Variants in PTPRD observed in about 807,000 individuals in gnomAD.
PTPRD encodes protein tyrosine phosphatase receptor type D, also known as receptor-type tyrosine-protein phosphatase delta.
PTPRD carries 34 observed loss-of-function variants against 214.5 expected under a neutral mutation model. The observed-to-expected ratio is 0.16, with a 90% CI of 0.12 to 0.21. The LOEUF (loss-of-function observed/expected upper bound fraction) is 0.21, where lower values mean the gene tolerates loss of function less well. PTPRD is among the 10% of genes least tolerant of loss of function. PTPRD has a pLI of 1.00. For synonymous variants in PTPRD, 1,128 were observed against 845.7 expected (o/e 1.33, Z -5.79); for missense variants, 2,545 against 2,398.7 (o/e 1.06, Z -1.27).
intron 3 of PTPRD, among the ~76,000 whole-genome samples, chr9:10,301,784 T>A (rs1358204737): frequency 2.0e-5 from 3 of 152,096 alleles, no homozygotes; most frequent in African/African-American, 7.2e-5. Context: ...AAAGACCAAA[T>A]CTACATTTGA....
intron 10 of PTPRD, among the ~76,000 whole-genome samples, chr9:9,087,764 G>A (rs1299867145): frequency 6.6e-6 from 1 of 151,402 alleles, no homozygotes; most frequent in Admixed American, 6.6e-5. Flanking sequence ...ATTATTTTCT[G>A]GCTTTAAAAT....
intron 44 of PTPRD, 32 bp from the exon 45 acceptor site, chr9:8,319,998 T>TGAGA (rs1466541087): frequency 6.2e-7 from 1 of 1,607,130 alleles, no homozygotes; most frequent in African/African-American, 1.3e-5. Context: ...TGTTACTGGG[T>TGAGA]GAGATGTTCA....
intron 9 of PTPRD, among the ~76,000 whole-genome samples, chr9:9,323,941 T>C (rs1968188688): frequency 6.6e-6 from 1 of 152,126 alleles, no homozygotes; most frequent in Non-Finnish European, 1.5e-5. Context: ...CATGGAGTGT[T>C]TGGTTTTCTG....
At chr9:9,384,475 G>A (rs2063291736) in intron 9 of PTPRD, among the ~76,000 whole-genome samples, 1 of 146,972 alleles carries the variant, frequency 6.8e-6, no homozygotes, top group East Asian at 2.0e-4. Flanking sequence ...GTATGTTGAG[G>A]TCGAGTTTTT....
intron 9 of PTPRD, among the ~76,000 whole-genome samples, chr9:9,385,277 A>G (rs1228884077): frequency 6.6e-6 from 1 of 152,262 alleles, no homozygotes; most frequent in Non-Finnish European, 1.5e-5. Flanking sequence ...TTAGTCAAAC[A>G]TTTATTTGCC....
chr9:8,604,588 A>G (rs2095088609), intron 14 of PTPRD, among the ~76,000 whole-genome samples: 2 of 152,212 alleles, frequency 1.3e-5, no homozygotes, highest in African/African-American at 4.8e-5. Flanking sequence ...TGGACAGTCA[A>G]GGAACAGATG....
chr9:8,801,990 A>G (rs1356239405), intron 11 of PTPRD, among the ~76,000 whole-genome samples: 1 of 152,238 alleles, frequency 6.6e-6, no homozygotes, highest in African/African-American at 2.4e-5. Flanking sequence ...TCAATGAGGT[A>G]AGGGTAAAGA....
chr9:8,705,720 C>A (rs551492604), intron 12 of PTPRD, among the ~76,000 whole-genome samples: 1 of 152,090 alleles, frequency 6.6e-6, no homozygotes, highest in African/African-American at 2.4e-5. Flanking sequence ...ACATACATGT[C>A]TTGGTAGAAA....
At chr9:10,564,466 C>T (rs1201130038) in intron 2 of PTPRD, among the ~76,000 whole-genome samples, 1 of 151,294 alleles carries the variant, frequency 6.6e-6, no homozygotes, top group East Asian at 1.9e-4. Flanking sequence ...AAGAAATTTT[C>T]TGCTTCTGTT....
chr9:9,907,747 T>A (rs545275409), intron 5 of PTPRD, among the ~76,000 whole-genome samples: 1 of 152,078 alleles, frequency 6.6e-6, no homozygotes, highest in South Asian at 2.1e-4. Context: ...AGCCACCATT[T>A]ACACAATTAA....
chr9:9,862,960 T>C (rs575009871), intron 5 of PTPRD, among the ~76,000 whole-genome samples: 2,653 of 152,272 alleles, frequency 0.017, 83 homozygotes, highest in African/African-American at 0.061. Flanking sequence ...TTGTAAACTT[T>C]TTCAACCATT....
chr9:8,954,334 G>A (rs993346918), intron 11 of PTPRD, among the ~76,000 whole-genome samples: 10 of 151,860 alleles, frequency 6.6e-5, no homozygotes, highest in Admixed American at 2.6e-4. Context: ...AAGACGCTGG[G>A]GACTACTACA....
At chr9:8,766,340 T>C (rs762032783) in intron 11 of PTPRD, among the ~76,000 whole-genome samples, 3 of 151,956 alleles carry the variant, frequency 2.0e-5, no homozygotes, top group African/African-American at 2.4e-5. Flanking sequence ...ATCTAAAGTG[T>C]CCCAGTGTCA....
At chr9:10,179,551 A>G (rs963110728) in intron 3 of PTPRD, among the ~76,000 whole-genome samples, 4 of 152,068 alleles carry the variant, frequency 2.6e-5, no homozygotes, top group African/African-American at 7.2e-5. Context: ...ATTTTGAGGA[A>G]AAGGGGTCAG....
chr9:8,485,600 C>G (rs2096984099), intron 28 of PTPRD, 162 bp downstream of exon 28: 1 of 699,876 alleles, frequency 1.4e-6, no homozygotes, highest in African/African-American at 1.8e-5. Context: ...TAACTGAAAT[C>G]TAAGGCATCC....
intron 26 of PTPRD, 134 bp from the exon 27 acceptor site, chr9:8,493,113 T>G: frequency 2.9e-6 from 2 of 688,512 alleles, no homozygotes; most frequent in Non-Finnish European, 5.0e-6. Flanking sequence ...GGAAATTTCA[T>G]GCCTGAGCTC....
chr9:10,033,230 A>G (rs2097115444), intron 4 of PTPRD, among the ~76,000 whole-genome samples: 1 of 151,836 alleles, frequency 6.6e-6, no homozygotes, highest in Non-Finnish European at 1.5e-5. Context: ...ATACCAAGAA[A>G]TACTAATGCT....
chr9:9,873,659 T>C (rs368220015), intron 5 of PTPRD, among the ~76,000 whole-genome samples: 1 of 152,184 alleles, frequency 6.6e-6, no homozygotes, highest in Non-Finnish European at 1.5e-5. Flanking sequence ...CAAATTAGAA[T>C]GTAGTTTGCT....
At chr9:9,900,530 G>C (rs566775543) in intron 5 of PTPRD, among the ~76,000 whole-genome samples, 14 of 152,130 alleles carry the variant, frequency 9.2e-5, no homozygotes, top group Admixed American at 2.6e-4. Context: ...ACAAGCGCAA[G>C]TCTCTAAGAA....
Sources: allele counts gnomAD v4.1 joint callset (sites outside exome capture counted in the v4.1 genomes callset), GRCh38; gene constraint gnomAD v4.1.1; transcripts MANE v1.5; gene names NCBI Gene and HGNC (gene_info 2026-07-23, HGNC 2026-07-21).